ZNF227: variants seen among roughly 807,000 people sequenced by gnomAD.
ZNF227 encodes the protein zinc finger protein 227.
A neutral mutation model predicts 13.2 loss-of-function variants in ZNF227; 12 were observed. The observed-to-expected ratio is 0.91, with a 90% CI of 0.58 to 1.47. The LOEUF (loss-of-function observed/expected upper bound fraction) is 1.47. ZNF227 is among the 40% of genes most tolerant of loss of function. ZNF227 has a pLI of 0.00. For synonymous variants in ZNF227, 338 were observed against 326.0 expected (o/e 1.04, Z -0.40); for missense variants, 885 against 967.5 (o/e 0.91, Z 1.13).
At chr19:44,225,542 C>T (rs1480635569) in intron 3 of ZNF227, among the ~76,000 whole-genome samples, 1 of 152,208 alleles carries the variant, frequency 6.6e-6, no homozygotes, top group Non-Finnish European at 1.5e-5. Context: ...GATACCCTTT[C>T]TTCCAGTTGA....
intron 5 of ZNF227, among the ~76,000 whole-genome samples, chr19:44,230,943 A>ATCTATATCTATATC (rs1258578786): frequency 1.0e-4 from 14 of 135,398 alleles, no homozygotes; most frequent in African/African-American, 4.2e-4. Flanking sequence ...ATATATATAT[A>ATCTATATCTATATC]TATATATATA....
intron 3 of ZNF227, among the ~76,000 whole-genome samples, chr19:44,220,065 A>T (rs563002872): frequency 1.4e-4 from 21 of 152,250 alleles, no homozygotes; most frequent in Non-Finnish European, 2.9e-4. Flanking sequence ...TTTGCTGAGA[A>T]TGATGGTTTC....
At chr19:44,228,783 A>G in intron 4 of ZNF227, 1 of 526,228 alleles carries the variant, frequency 1.9e-6, no homozygotes, top group Non-Finnish European at 3.1e-6. Flanking sequence ...ACCATGGGTG[A>G]TTTCGCCCCC....
intron 3 of ZNF227, among the ~76,000 whole-genome samples, chr19:44,227,636 C>G (rs1222051427): frequency 6.6e-6 from 1 of 152,190 alleles, no homozygotes; most frequent in Admixed American, 6.5e-5. Context: ...ACTGCACCGT[C>G]AAACTCCTGG....
intron 3 of ZNF227, 142 bp downstream of exon 3, chr19:44,217,994 G>T: frequency 1.1e-6 from 1 of 916,782 alleles, no homozygotes; most frequent in Non-Finnish European, 1.6e-6. Context: ...GTGTTTTTTT[G>T]TTTTAGTTTA....
chr19:44,232,905 A>G (rs902970504), intron 5 of ZNF227, among the ~76,000 whole-genome samples: 4 of 152,054 alleles, frequency 2.6e-5, no homozygotes, highest in African/African-American at 9.7e-5. Flanking sequence ...TCCTGACCTC[A>G]AGTGATCCAC....
intron 5 of ZNF227, among the ~76,000 whole-genome samples, chr19:44,232,877 G>A (rs1471725612): frequency 6.6e-6 from 1 of 151,852 alleles, no homozygotes; most frequent in Non-Finnish European, 1.5e-5. Flanking sequence ...CATGTTGTGG[G>A]CCAGGCTGGT....
chr19:44,233,437 C>T (rs2122945300), intron 5 of ZNF227, among the ~76,000 whole-genome samples: 1 of 151,968 alleles, frequency 6.6e-6, no homozygotes, highest in South Asian at 2.1e-4. Context: ...ATTTGAAAAC[C>T]CTTGTTAACA....
intron 3 of ZNF227, among the ~76,000 whole-genome samples, chr19:44,224,135 A>G (rs576476783): frequency 3.1e-4 from 47 of 152,318 alleles, no homozygotes; most frequent in African/African-American, 1.1e-3. Flanking sequence ...AGAGACAGAC[A>G]GTTTGTTATA....
rs1187004150 is a variant in ZNF227 at position 44,234,854 on chromosome 19, G to C, written c.424G>C (p.Asp142His). The change falls in exon 6 of 6, where the codon GAC becomes CAC. Residue 142 changes from aspartate to histidine, a missense_variant. Asp to His is a moderately conservative substitution (Grantham distance 81). Transcript: ENST00000313040. Reference sequence around the variant, plus strand: ...GAAGAGTTCCCAGTTATTACAAGGTGACTCTATTCAGGTTTCTGAAAATGA... The same window carrying C: ...GAAGAGTTCCCAGTTATTACAAGGTCACTCTATTCAGGTTTCTGAAAATGA... ...QGKSSQLLQGDSIQVSENENN... is the reference protein window; with the variant it reads ...QGKSSQLLQGHSIQVSENENN... The C allele has an allele frequency of 3.7e-6, 6 of 1,613,964 alleles. No individual in the cohort carries two copies. The highest frequency in any genetic ancestry group is 5.1e-6 in the Non-Finnish European group (6 of 1,179,988).
chr19:44,214,440 G>A (rs1971632516), intron 2 of ZNF227, among the ~76,000 whole-genome samples: 1 of 151,128 alleles, frequency 6.6e-6, no homozygotes, highest in Non-Finnish European at 1.5e-5. Context: ...GTGCAGTGGC[G>A]TGATCTCAGC....
Position 44,236,931 on chromosome 19 carries a change from G to C in ZNF227, c.*101G>C. On this transcript the variant is annotated 3_prime_UTR_variant, in exon 6 of 6. Coordinates refer to ENST00000313040, the MANE Select transcript of ZNF227 (RefSeq NM_182490.3). Reference sequence around the variant, plus strand: ...CCCTGTAAAACTACTGAGAGTGGAAGGGGGTTTGTTCACACTTGGAATCTT... The same window carrying C: ...CCCTGTAAAACTACTGAGAGTGGAACGGGGTTTGTTCACACTTGGAATCTT... 2.2e-6 allele frequency: 2 copies of C among 924,234 alleles called. No individual in the cohort carries two copies. The highest frequency in any genetic ancestry group is 3.2e-6 in the Non-Finnish European group (2 of 627,972). 57.3% of individuals were successfully genotyped at this position (924,234 alleles called of 1,614,324 possible).
chr19:44,232,204 G>T (rs1973907204), intron 5 of ZNF227, among the ~76,000 whole-genome samples: 1 of 152,202 alleles, frequency 6.6e-6, no homozygotes, highest in South Asian at 2.1e-4. Flanking sequence ...GCATCCACAT[G>T]TATTAATCTT....
At chr19:44,207,723 T>C, upstream of ZNF227, 1 of 152,542 alleles carries the variant, frequency 6.6e-6, no homozygotes, top group African/African-American at 2.4e-5. Context: ...GTTTGTGTTC[T>C]TTCCTCTCGG....
intron 3 of ZNF227, 194 bp from the exon 4 acceptor site, chr19:44,228,252 G>GTGA (rs1027730509): frequency 1.9e-6 from 1 of 532,234 alleles, no homozygotes; most frequent in Non-Finnish European, 3.1e-6. Flanking sequence ...ACAAAAAACA[G>GTGA]TGATAAACTA....
chr19:44,220,214 AT>A, intron 3 of ZNF227, among the ~76,000 whole-genome samples: 1 of 152,220 alleles, frequency 6.6e-6, no homozygotes, highest in Non-Finnish European at 1.5e-5. Flanking sequence ...AGTCTTTGCT[AT>A]TGTGAATAGT....
At chr19:44,214,847 C>T (rs1233603866) in intron 2 of ZNF227, among the ~76,000 whole-genome samples, 5 of 150,890 alleles carry the variant, frequency 3.3e-5, no homozygotes, top group Non-Finnish European at 7.4e-5. Context: ...TTCTGGGCAG[C>T]GGACCTGGTA....
At chr19:44,213,306 C>T (rs1292289745) in intron 2 of ZNF227, 62 bp downstream of exon 2, 1 of 152,098 alleles carries the variant, frequency 6.6e-6, no homozygotes, top group Non-Finnish European at 1.5e-5. Context: ...ATCAAGTTTC[C>T]GTCACTCAGT....
At chr19:44,211,743 A>C (rs984373339), upstream of ZNF227, among the ~76,000 whole-genome samples, 1 of 150,608 alleles carries the variant, frequency 6.6e-6, no homozygotes, top group Non-Finnish European at 1.5e-5. Context: ...TCATTCTTTT[A>C]GTATCTAAAG....
Sources: allele counts gnomAD v4.1 joint callset (sites outside exome capture counted in the v4.1 genomes callset), GRCh38; gene constraint gnomAD v4.1.1; transcripts MANE v1.5; gene names NCBI Gene and HGNC (gene_info 2026-07-23, HGNC 2026-07-21).